The following DDX47 variants were observed in gnomAD, a reference collection of about 807,000 sequenced individuals.
DDX47 encodes the protein probable ATP-dependent RNA helicase DDX47.
A neutral mutation model predicts 58.8 loss-of-function variants in DDX47; 60 were observed. The observed-to-expected ratio is 1.02, with a 90% confidence interval of 0.83 to 1.26. DDX47 has a LOEUF of 1.26. DDX47 is among the 50% of genes most tolerant of loss of function. The pLI is 0.00. For synonymous variants in DDX47, 197 were observed against 204.6 expected (o/e 0.96, Z 0.32); for missense variants, 530 against 573.2 (o/e 0.92, Z 0.77).
chr12:12,823,099 A>G, intron 6 of DDX47, 104 bp from the exon 7 acceptor site: 1 of 782,562 alleles, frequency 1.3e-6, no homozygotes, highest in Non-Finnish European at 2.2e-6. Flanking sequence ...ACATGTGGGG[A>G]TTACAATTCA....
At chr12:12,814,829 C>T (rs1050757356) in intron 2 of DDX47, among the ~76,000 whole-genome samples, 15 of 152,154 alleles carry the variant, frequency 9.9e-5, no homozygotes, top group Non-Finnish European at 1.9e-4. Context: ...ACAGGCGCAT[C>T]ACCATGTCCG....
Position 12,821,788 on chromosome 12 carries a change from T to A in DDX47, c.442+62T>A, listed in dbSNP as rs1191392697. ...ATGAATTGGAGAAAATCTACCAGTG[T>A]TGGATAGAAAGACTTTGAGAAACAG... is the stretch of plus-strand genomic sequence containing the variant. On this transcript the variant is annotated intron_variant, in intron 4 of 11. Coordinates refer to ENST00000358007, the MANE Select transcript of DDX47 (RefSeq NM_016355.4). The A allele has an allele frequency of 2.1e-6, 3 of 1,396,336 alleles. No individual in the cohort carries two copies. In the African/African-American group the frequency reaches 4.3e-5, roughly 20 times the overall value. The allele number at this position is 1,396,336 out of a possible 1,614,324, so 86.5% of individuals were successfully genotyped here. A position where few individuals can be genotyped will look rare whatever the true frequency, so the allele number is the denominator to read the frequency against.
At chr12:12,818,574 GC>G (rs1290058584) in intron 2 of DDX47, among the ~76,000 whole-genome samples, 1 of 152,006 alleles carries the variant, frequency 6.6e-6, no homozygotes, top group Non-Finnish European at 1.5e-5. Flanking sequence ...TCACATCTGT[GC>G]ATATGCTTTT....
At position 12,813,435 on chromosome 12, in the gene DDX47, C is replaced by G; in HGVS notation, c.68C>G (p.Thr23Ser). 1 of 1,612,166 alleles carries G rather than the reference C, an allele frequency of 6.2e-7. No homozygotes were observed. The highest frequency in any genetic ancestry group is 8.5e-7 in the Non-Finnish European group (1 of 1,179,120). Residue 23 changes from threonine to serine, a missense_variant, in exon 1 of 12, where the codon ACT (threonine) becomes AGT (serine). Thr to Ser is a moderately conservative substitution (Grantham distance 58). Coordinates refer to ENST00000358007, the MANE Select transcript of DDX47 (RefSeq NM_016355.4). ...ASQPIVEEEE[T>S]KTFKDLGVTD... is the part of the protein sequence containing the mutation. The stretch of plus-strand genomic sequence containing the variant: ...CAGCCGATTGTGGAAGAGGAGGAAA[C>G]TAAAACATTTAAAGACCTGGTGAGA...
chr12:12,826,310 G>A, intron 10 of DDX47: 1 of 323,160 alleles, frequency 3.1e-6, no homozygotes, highest in Non-Finnish European at 5.6e-6. Flanking sequence ...ACCTAGAGCT[G>A]GAGAGCAATT....
chr12:12,826,589 A>C (rs1863054479), intron 10 of DDX47, among the ~76,000 whole-genome samples: 1 of 151,776 alleles, frequency 6.6e-6, no homozygotes, highest in Non-Finnish European at 1.5e-5. Context: ...CTGGGACCAC[A>C]GGTGCATGCC....
chr12:12,828,721 G>A (rs1386532929), intron 11 of DDX47, among the ~76,000 whole-genome samples: 1 of 152,132 alleles, frequency 6.6e-6, no homozygotes, highest in Non-Finnish European at 1.5e-5. Flanking sequence ...AATACAGAAA[G>A]GATTAAAGTA....
chr12:12,827,892 T>TTTTTTC, intron 11 of DDX47, among the ~76,000 whole-genome samples: 1 of 149,122 alleles, frequency 6.7e-6, no homozygotes, highest in Non-Finnish European at 1.5e-5. Flanking sequence ...TTTTTTTTTT[T>TTTTTTC]TGAGATGGAG....
Position 12,823,458 on chromosome 12 carries a change from C to T in DDX47, c.750+139C>T, listed in dbSNP as rs913055264. 57 of 648,816 alleles carry T rather than the reference C, an allele frequency of 8.8e-5. No individual in the cohort carries two copies. The African/African-American group carries it at 9.1e-4, about 10-fold the overall frequency. The allele number at this position is 648,816 out of a possible 1,614,324, so 40.2% of individuals were successfully genotyped here. ...TGTTTGCTTTAGAGTGCATATCGTG[C>T]TTATATTATCACCGATAAGCCAGAC... On this transcript the variant is annotated intron_variant, in intron 7 of 11. Coordinates refer to ENST00000358007, the MANE Select transcript of DDX47 (RefSeq NM_016355.4).
intron 7 of DDX47, chr12:12,823,602 T>C: frequency 1.8e-6 from 1 of 550,116 alleles, no homozygotes; most frequent in Non-Finnish European, 3.2e-6. Flanking sequence ...ATGTGGCTTT[T>C]ATTTAGGATG....
At position 12,821,237 on chromosome 12, in the gene DDX47, G is replaced by A. The variant is rs1253500620; in HGVS notation, c.211G>A (p.Gly71Ser). ...TGATATCATTGGGCTTGCAGAAACT[G>A]GCTCTGGAAAGACAGGCGCCTTTGC... ...GRDIIGLAET[G>S]SGKTGAFALP... The change falls in exon 3 of 12, where the codon GGC (glycine) becomes AGC (serine). Residue 71 changes from glycine to serine, a missense_variant. Transcript: ENST00000358007. 1 of 1,614,086 alleles carries A rather than the reference G, an allele frequency of 6.2e-7. No individual in the cohort carries two copies. The highest frequency in any genetic ancestry group is 8.5e-7 in the Non-Finnish European group (1 of 1,180,048).
chr12:12,824,917 C>G, intron 9 of DDX47: 1 of 388,316 alleles, frequency 2.6e-6, no homozygotes, highest in East Asian at 4.4e-5. Context: ...GGCTGGTGCG[C>G]CACATACTGA....
intron 8 of DDX47, 92 bp from the exon 9 acceptor site, chr12:12,824,448 T>G: frequency 6.9e-7 from 1 of 1,439,446 alleles, no homozygotes; most frequent in African/African-American, 1.4e-5. Context: ...TTTAAAAAAT[T>G]TATGTCTGTT....
At chr12:12,818,250 G>A (rs1271203239) in intron 2 of DDX47, among the ~76,000 whole-genome samples, 1 of 152,200 alleles carries the variant, frequency 6.6e-6, no homozygotes, top group Non-Finnish European at 1.5e-5. Flanking sequence ...GGCTGGGCGT[G>A]GTGGCTCACG....
At position 12,829,703 on chromosome 12, in the gene DDX47, G is replaced by A; in HGVS notation, c.*149G>A. 3 of 959,360 alleles carry A rather than the reference G, an allele frequency of 3.1e-6. No homozygotes were observed. Among genetic ancestry groups the A allele is most frequent in the Non-Finnish European group, 4.5e-6 (3 of 665,482 alleles). 59.4% of individuals were successfully genotyped at this position (959,360 alleles called of 1,614,324 possible). On this transcript the variant is annotated 3_prime_UTR_variant, in exon 12 of 12. Transcript: ENST00000358007. ...TCAGTATTCTTCCCCATTCTGGGTT[G>A]GAGTTTACTGCAGAGTAATTCTTAC...
chr12:12,823,371 G>A (rs1266544858), intron 7 of DDX47, 52 bp downstream of exon 7: 1 of 1,120,432 alleles, frequency 8.9e-7, no homozygotes, highest in African/African-American at 1.5e-5. Flanking sequence ...TTTCACCAAA[G>A]CATCTGAAAA....
intron 1 of DDX47, 83 bp from the exon 2 acceptor site, chr12:12,814,048 A>G (rs7978829): frequency 8.2e-6 from 7 of 851,744 alleles, no homozygotes; most frequent in African/African-American, 1.6e-5. Context: ...ATGGTTGTAC[A>G]TGATGGGTCT....
Position 12,827,243 on chromosome 12 carries a change from C to T in DDX47, c.1107-3C>T. The T allele has an allele frequency of 6.2e-7, 1 of 1,612,854 alleles. No individual in the cohort carries two copies. The highest frequency in any genetic ancestry group is 8.5e-7 in the Non-Finnish European group (1 of 1,179,634). On this transcript the variant is annotated splice_region_variant and splice_polypyrimidine_tract_variant and intron_variant, in intron 10 of 11. Transcript: ENST00000358007. Reference sequence around the variant, plus strand: ...CCAGAGCTGTGCAGTTTTCCTTCCTCAGGTATGATGTGGAACTCTTCCAGC... The same window carrying T: ...CCAGAGCTGTGCAGTTTTCCTTCCTTAGGTATGATGTGGAACTCTTCCAGC...
At chr12:12,817,359 C>A (rs1862911629) in intron 2 of DDX47, among the ~76,000 whole-genome samples, 1 of 152,148 alleles carries the variant, frequency 6.6e-6, no homozygotes, top group Admixed American at 6.5e-5. Context: ...AACATAGAAT[C>A]TTATAGCTCA....
Sources: allele counts gnomAD v4.1 joint callset (sites outside exome capture counted in the v4.1 genomes callset), GRCh38; gene constraint gnomAD v4.1.1; transcripts MANE v1.5; gene names NCBI Gene and HGNC (gene_info 2026-07-23, HGNC 2026-07-21).